The following FTO variants were observed in gnomAD, a reference collection of about 807,000 sequenced individuals.
FTO encodes the protein alpha-ketoglutarate-dependent dioxygenase FTO.
FTO carries 47 observed loss-of-function variants against 63.9 expected under a neutral mutation model. That is an observed-to-expected ratio of 0.74 (90% CI 0.58 to 0.94). FTO has a LOEUF of 0.94. Among genes scored for constraint, FTO ranks in the 40% least tolerant of loss-of-function variants. FTO has a pLI of 0.00. For synonymous variants in FTO, 207 were observed against 224.4 expected (o/e 0.92, Z 0.69); for missense variants, 562 against 618.1 (o/e 0.91, Z 0.96).
At chr16:53,780,463 G>A (rs1198980654) in intron 1 of FTO, among the ~76,000 whole-genome samples, 1 of 152,118 alleles carries the variant, frequency 6.6e-6, no homozygotes, top group Non-Finnish European at 1.5e-5. Flanking sequence ...TTGAGATGGA[G>A]TTTTGCTCTT....
At chr16:54,065,440 A>T (rs2085703033) in intron 8 of FTO, among the ~76,000 whole-genome samples, 1 of 152,138 alleles carries the variant, frequency 6.6e-6, no homozygotes, top group Admixed American at 6.5e-5. Context: ...CTGTGATTGC[A>T]GGTGTGCACC....
chr16:53,825,178 A>C (rs753041825), intron 2 of FTO, among the ~76,000 whole-genome samples: 18 of 152,170 alleles, frequency 1.2e-4, no homozygotes, highest in Non-Finnish European at 2.2e-4. Context: ...TTTTGTGTTC[A>C]TGGAACTTAA....
At chr16:54,026,990 T>C (rs775432650) in intron 8 of FTO, among the ~76,000 whole-genome samples, 29 of 152,232 alleles carry the variant, frequency 1.9e-4, no homozygotes, top group East Asian at 5.8e-4. Flanking sequence ...AGTAGAAACA[T>C]TGGAGGCTAT....
chr16:53,836,918 C>T (rs1280185776), intron 3 of FTO, among the ~76,000 whole-genome samples: 1 of 152,134 alleles, frequency 6.6e-6, no homozygotes, highest in Non-Finnish European at 1.5e-5. Flanking sequence ...TTACCTGAAG[C>T]TAGATGAACA....
intron 8 of FTO, among the ~76,000 whole-genome samples, chr16:54,074,911 AGAGAGAGTGTGTGT>A (rs1182362511): frequency 1.7e-5 from 2 of 115,770 alleles, no homozygotes; most frequent in Non-Finnish European, 1.8e-5. Context: ...AGAGAGAGAG[AGAGAGAGTGTGTGT>A]GTGTGTGTGT....
chr16:53,976,504 T>A (rs1430757844), intron 8 of FTO, among the ~76,000 whole-genome samples: 2 of 152,146 alleles, frequency 1.3e-5, no homozygotes, highest in African/African-American at 4.8e-5. Context: ...TTAGATATTA[T>A]AGGGCCTTCC....
chr16:53,857,449 T>G (rs2080036925), intron 4 of FTO, among the ~76,000 whole-genome samples: 1 of 150,342 alleles, frequency 6.7e-6, no homozygotes, highest in African/African-American at 2.5e-5. Context: ...GGTCTCTCTC[T>G]CTCTCTCTCT....
At chr16:54,009,187 C>T (rs1337735182) in intron 8 of FTO, among the ~76,000 whole-genome samples, 1 of 151,982 alleles carries the variant, frequency 6.6e-6, no homozygotes, top group Admixed American at 6.6e-5. Flanking sequence ...TGCAACAGAC[C>T]CCTTTTTCTG....
intron 8 of FTO, among the ~76,000 whole-genome samples, chr16:53,956,159 A>G (rs1186259535): frequency 3.3e-5 from 5 of 152,212 alleles, no homozygotes; most frequent in Admixed American, 6.5e-5. Flanking sequence ...ACTATTGACA[A>G]AACTTCAGCT....
At chr16:53,834,412 T>TAAATTCTATACTA (rs1555482219) in intron 3 of FTO, among the ~76,000 whole-genome samples, 1 of 152,208 alleles carries the variant, frequency 6.6e-6, no homozygotes, top group Non-Finnish European at 1.5e-5. Flanking sequence ...ATGAGGCACT[T>TAAATTCTATACTA]AAATTCTATA....
chr16:54,077,039 C>G (rs7204690), intron 8 of FTO, among the ~76,000 whole-genome samples: 1 of 151,972 alleles, frequency 6.6e-6, no homozygotes, highest in East Asian at 1.9e-4. Context: ...AGGTAAGGAG[C>G]GTCATTATTA....
chr16:53,985,144 AT>A (rs1429851306), intron 8 of FTO, among the ~76,000 whole-genome samples: 1 of 152,216 alleles, frequency 6.6e-6, no homozygotes, highest in Non-Finnish European at 1.5e-5. Context: ...AGTCAATGAC[AT>A]TTATGACCCA....
chr16:53,903,340 C>A (rs933641831), intron 7 of FTO, among the ~76,000 whole-genome samples: 4 of 151,642 alleles, frequency 2.6e-5, no homozygotes, highest in Admixed American at 1.3e-4. Flanking sequence ...CTCATTGCAA[C>A]CTTTGCCTCC....
intron 2 of FTO, among the ~76,000 whole-genome samples, chr16:53,821,119 G>A (rs555076208): frequency 1.3e-4 from 20 of 152,222 alleles, no homozygotes; most frequent in Middle Eastern, 3.4e-3. Context: ...AGTGTATGTT[G>A]AATAAGGGCA....
intron 1 of FTO, among the ~76,000 whole-genome samples, chr16:53,770,488 T>A (rs1314392117): frequency 6.6e-6 from 1 of 152,206 alleles, no homozygotes; most frequent in Non-Finnish European, 1.5e-5. Context: ...TATTTTGATG[T>A]TGAGTGAGGC....
At chr16:53,755,609 A>T (rs1411442567) in intron 1 of FTO, among the ~76,000 whole-genome samples, 2 of 152,222 alleles carry the variant, frequency 1.3e-5, no homozygotes, top group African/African-American at 4.8e-5. Context: ...TAGAGACTGC[A>T]CAGATCCCTT....
chr16:53,749,990 C>A (rs2076746018), intron 1 of FTO, among the ~76,000 whole-genome samples: 2 of 152,258 alleles, frequency 1.3e-5, no homozygotes, highest in Non-Finnish European at 2.9e-5. Context: ...GAGTTTGTTT[C>A]ATCAGTTATC....
At chr16:53,934,225 G>A in intron 8 of FTO, 116 bp downstream of exon 8, 1 of 1,114,992 alleles carries the variant, frequency 9.0e-7, no homozygotes, top group Non-Finnish European at 1.3e-6. Flanking sequence ...TGAAAAATAA[G>A]CACGTTTAAG....
chr16:53,999,584 A>T (rs2084021657), intron 8 of FTO: 1 of 152,180 alleles, frequency 6.6e-6, no homozygotes, highest in Admixed American at 6.5e-5. Context: ...GGTACTGCAC[A>T]TTTTTTGCTT....
Sources: allele counts gnomAD v4.1 joint callset (sites outside exome capture counted in the v4.1 genomes callset), GRCh38; gene constraint gnomAD v4.1.1; transcripts MANE v1.5; gene names NCBI Gene and HGNC (gene_info 2026-07-23, HGNC 2026-07-21).